Variants in COQ10B observed in about 807,000 individuals in gnomAD.
COQ10B encodes coenzyme Q10B.
In COQ10B, 12 loss-of-function variants were observed where a neutral mutation model predicts 27.6. The observed-to-expected ratio is 0.43, with a 90% CI of 0.28 to 0.70. The LOEUF (loss-of-function observed/expected upper bound fraction) is 0.70, where lower values mean the gene tolerates loss of function less well. COQ10B is among the 30% of genes least tolerant of loss of function. COQ10B has a pLI of 0.17. For synonymous variants in COQ10B, 115 were observed against 103.0 expected (o/e 1.12, Z -0.71); for missense variants, 278 against 288.7 (o/e 0.96, Z 0.27).
Position 197,455,128 on chromosome 2 carries a change from GGGTAGGCTGGGAGGCAA to G in COQ10B, c.104+1465_104+1481del, listed in dbSNP as rs546179977. ...TCAGATTGTGTAAGGGTATTTTTTT[GGGTAGGCTGGGAGGCAA>G]TACATGAACCTGGTACAAAGGTTCA... On this transcript the variant is annotated intron_variant, in intron 1 of 4. Transcript: ENST00000263960. 5.3e-3 allele frequency among the ~76,000 whole-genome samples: 800 copies of G among 151,826 alleles called. 6 individuals carry two copies. The highest frequency in any genetic ancestry group is 0.018 in the African/African-American group (731 of 41,384).
At chr2:197,473,303 A>C (rs2085898242) in intron 4 of COQ10B, among the ~76,000 whole-genome samples, 1 of 150,348 alleles carries the variant, frequency 6.7e-6, no homozygotes, top group Non-Finnish European at 1.5e-5. Context: ...CCATAATCCC[A>C]ACACTTTGGG....
chr2:197,470,384 A>G (rs1392030172), intron 4 of COQ10B, among the ~76,000 whole-genome samples: 2 of 152,214 alleles, frequency 1.3e-5, no homozygotes, highest in Non-Finnish European at 2.9e-5. Flanking sequence ...ACATGCCATG[A>G]CTTTACAACC....
Position 197,462,579 on chromosome 2 carries a change from G to C in COQ10B, c.295G>C (p.Glu99Gln), listed in dbSNP as rs2085773105. Residue 99 changes from glutamate to glutamine, a missense_variant, in exon 3 of 5, where the codon GAG (glutamate) becomes CAG (glutamine). Physicochemically the swap from Glu to Gln is conservative, Grantham distance 29. Transcript: ENST00000263960. The stretch of plus-strand genomic sequence containing the variant: ...AATGTATGATGTAGTATCGGGAGTG[G>C]AGGATTACAAGCATTTTGTTCCTTG... ...QEMYDVVSGV[E>Q]DYKHFVPWCK... 2 of 1,594,192 alleles carry C rather than the reference G, an allele frequency of 1.3e-6. No homozygotes were observed. The highest frequency in any genetic ancestry group is 1.7e-5 in the Admixed American group (1 of 57,914).
At position 197,462,624 on chromosome 2, in the gene COQ10B, A is replaced by G. The variant is rs754328875; in HGVS notation, c.340A>G (p.Ile114Val). 1.3e-6 allele frequency: 2 copies of G among 1,599,782 alleles called. No individual in the cohort carries two copies. The highest frequency in any genetic ancestry group is 2.2e-5 in the East Asian group (1 of 44,532). Residue 114 changes from isoleucine (I) to valine (V), a missense_variant, in exon 3 of 5, where the codon ATA becomes GTA. Ile to Val is a conservative substitution (Grantham distance 29, BLOSUM62 3). Around this residue, in one of 3 missense-constraint regions of COQ10B, gnomAD observed 183 missense variants for 158.2 expected, o/e 1.16. Coordinates refer to ENST00000263960, the MANE Select transcript of COQ10B (RefSeq NM_025147.5). ...TCCTTGGTGCAAAAAATCAGATGTT[A>G]TATCAAAGAGATCTGGATATTGTAA... ...FVPWCKKSDV[I>V]SKRSGYCKTR...
At chr2:197,469,790 T>A (rs1360932241) in intron 3 of COQ10B, among the ~76,000 whole-genome samples, 1 of 152,018 alleles carries the variant, frequency 6.6e-6, no homozygotes. Flanking sequence ...CTCTTTTGCT[T>A]CTAGAGGAAG....
At chr2:197,466,106 A>C (rs1256453834) in intron 3 of COQ10B, among the ~76,000 whole-genome samples, 1 of 152,154 alleles carries the variant, frequency 6.6e-6, no homozygotes, top group Non-Finnish European at 1.5e-5. Flanking sequence ...AAACAAACAC[A>C]AAACAAAAAC....
At chr2:197,473,540 G>T (rs1387652891) in intron 4 of COQ10B, among the ~76,000 whole-genome samples, 1 of 137,800 alleles carries the variant, frequency 7.3e-6, no homozygotes, top group East Asian at 2.1e-4. Context: ...ACACAAATTA[G>T]CCACATGTGG....
intron 4 of COQ10B, among the ~76,000 whole-genome samples, chr2:197,472,124 ATTATT>A (rs2085883670): frequency 6.6e-6 from 1 of 151,654 alleles, no homozygotes; most frequent in South Asian, 2.1e-4. Flanking sequence ...AATTCTTTGT[ATTATT>A]TTGTAGTTTT....
chr2:197,462,497 T>C, intron 2 of COQ10B, 42 bp from the exon 3 acceptor site: 2 of 1,001,690 alleles, frequency 2.0e-6, no homozygotes, highest in South Asian at 1.5e-5. Context: ...ATTATATAAC[T>C]AGATGGAGTT....
intron 3 of COQ10B, among the ~76,000 whole-genome samples, chr2:197,467,976 A>C (rs1183640712): frequency 6.6e-6 from 1 of 152,232 alleles, no homozygotes; most frequent in East Asian, 1.9e-4. Context: ...CAGTTCACTC[A>C]GAACAGTCAG....
rs34942079 is a variant in COQ10B at position 197,472,800 on chromosome 2, C to CAAA, written c.550-938_550-936dup. On this transcript the variant is annotated intron_variant, in intron 4 of 4. Coordinates refer to ENST00000263960, the MANE Select transcript of COQ10B (RefSeq NM_025147.5). ...TGGGCGACAGAGCAAGGCTCCATCT[C>CAAA]AAAAAAAAAAAAAAAAAAAAAGAAA... 2.4e-3 allele frequency among the ~76,000 whole-genome samples: 227 copies of CAAA among 95,678 alleles called. 7 individuals carry two copies. Among genetic ancestry groups the CAAA allele is most frequent in the South Asian group, 4.7e-3 (12 of 2,534 alleles). The allele number at this position is 95,678 out of a possible 152,430, so 62.8% of individuals were successfully genotyped here.
chr2:197,455,824 G>A (rs936495741), intron 1 of COQ10B, among the ~76,000 whole-genome samples: 1 of 152,128 alleles, frequency 6.6e-6, no homozygotes, highest in African/African-American at 2.4e-5. Context: ...GCAGGGCTTG[G>A]TGGCGCATGC....
chr2:197,475,105 AAAGTT>A lies in COQ10B; in HGVS notation c.*1184_*1188del. The A allele has an allele frequency of 6.6e-6, 1 of 152,488 alleles. No homozygotes were observed. Among genetic ancestry groups the A allele is most frequent in the Admixed American group, 6.5e-5 (1 of 15,294 alleles). The allele number at this position is 152,488 out of a possible 1,614,324, so 9.4% of individuals were successfully genotyped here. ...ACTGAAGTTGAAGTAGCAATGTAAT[AAAGTT>A]AATTTGTTTATTTTTTGTACAGTTA... On this transcript the variant is annotated 3_prime_UTR_variant, in exon 5 of 5. Coordinates refer to ENST00000263960, the MANE Select transcript of COQ10B (RefSeq NM_025147.5).
At chr2:197,468,206 C>T (rs768039847) in intron 3 of COQ10B, among the ~76,000 whole-genome samples, 2 of 151,716 alleles carry the variant, frequency 1.3e-5, no homozygotes, top group South Asian at 2.1e-4. Flanking sequence ...TTTGGAAGGC[C>T]GAGGCGGGGG....
intron 1 of COQ10B, among the ~76,000 whole-genome samples, chr2:197,459,219 G>A (rs1289513573): frequency 6.6e-6 from 1 of 152,148 alleles, no homozygotes; most frequent in Non-Finnish European, 1.5e-5. Flanking sequence ...AGGCTGCAGT[G>A]CCCGTGGTGT....
chr2:197,474,917 C>G lies in COQ10B; in HGVS notation c.*993C>G, dbSNP rs942835353. 4 of 149,648 alleles carry G rather than the reference C, an allele frequency of 2.7e-5. No individual in the cohort carries two copies. The highest frequency in any genetic ancestry group is 9.9e-5 in the African/African-American group (4 of 40,434). The allele number at this position is 149,648 out of a possible 1,614,324, so 9.3% of individuals were successfully genotyped here. A position where few individuals can be genotyped will look rare whatever the true frequency, so the allele number is the denominator to read the frequency against. On this transcript the variant is annotated 3_prime_UTR_variant, in exon 5 of 5. Coordinates refer to ENST00000263960, the MANE Select transcript of COQ10B (RefSeq NM_025147.5). The stretch of plus-strand genomic sequence containing the variant: ...TAGTTTGGCTGCTCTTTCAGTAATG[C>G]TAATTGTGTGTCAAATTTTGTCTAC...
chr2:197,456,891 G>A (rs2085705249), intron 1 of COQ10B, among the ~76,000 whole-genome samples: 1 of 151,924 alleles, frequency 6.6e-6, no homozygotes, highest in Non-Finnish European at 1.5e-5. Flanking sequence ...CAAAATTAAT[G>A]CTAGATAGGA....
intron 1 of COQ10B, among the ~76,000 whole-genome samples, chr2:197,456,269 T>G (rs969057484): frequency 1.3e-5 from 2 of 151,552 alleles, no homozygotes; most frequent in Non-Finnish European, 2.9e-5. Context: ...ATCAAGACCA[T>G]CCTGGCCAAC....
At chr2:197,460,806 C>T (rs1015625502) in intron 2 of COQ10B, among the ~76,000 whole-genome samples, 1 of 152,214 alleles carries the variant, frequency 6.6e-6, no homozygotes. Context: ...TCAGCTCCTT[C>T]ATTGTAGTCC....
Sources: gnomAD v4.1 joint callset for allele counts (sites outside exome capture counted in the v4.1 genomes callset) on GRCh38, gnomAD v4.1.1 for gene constraint, gnomAD v4.1.1 regional missense constraint, MANE v1.5 for transcripts, NCBI Gene and HGNC (gene_info 2026-07-23, HGNC 2026-07-21) for gene names.